ZNF98: variants seen among roughly 807,000 people sequenced by gnomAD.
ZNF98 encodes zinc finger protein 98, also known as zinc finger protein 739.
Under a neutral mutation model 12.8 loss-of-function variants are expected in ZNF98, and 8 were observed. That is an observed-to-expected ratio of 0.63 (90% confidence interval 0.37 to 1.13). The LOEUF (loss-of-function observed/expected upper bound fraction) is 1.13. Ranked by LOEUF, ZNF98 falls within the 50% of genes most tolerant of loss-of-function variation. The pLI, the probability that ZNF98 is intolerant of heterozygous loss-of-function variation, is 0.01. For missense variants in ZNF98, 379 were observed against 666.1 expected (o/e 0.57, Z 4.74); for synonymous variants, 112 against 223.5 (o/e 0.50, Z 4.45).
At chr19:22,400,683 G>A (rs1453021193) in intron 3 of ZNF98, among the ~76,000 whole-genome samples, 1 of 152,076 alleles carries the variant, frequency 6.6e-6, no homozygotes, top group Non-Finnish European at 1.5e-5. Context: ...GGCCAGGCGC[G>A]GTGGCTCACG....
In ZNF98 at chr19:22,391,388, T is replaced by A. The variant is rs1969319669; in HGVS notation, c.*128A>T. On this transcript the variant is annotated 3_prime_UTR_variant, in exon 4 of 4. Transcript: ENST00000357774. Reference sequence around the variant, plus strand: ...CAAGTATAAAGGCTTTCCTGTGCAATAAGGTTTGAGCATTGTGTAAGTTTT... The same window carrying A: ...CAAGTATAAAGGCTTTCCTGTGCAAAAAGGTTTGAGCATTGTGTAAGTTTT... 1.7e-5 allele frequency: 25 copies of A among 1,464,786 alleles called. No homozygotes were observed. The highest frequency in any genetic ancestry group is 2.8e-5 in the Admixed American group (1 of 36,288). 90.7% of individuals were successfully genotyped at this position (1,464,786 alleles called of 1,614,324 possible). A position where few individuals can be genotyped will look rare whatever the true frequency, so the allele number is the denominator to read the frequency against.
At chr19:22,398,458 C>T (rs2145110494) in intron 3 of ZNF98, among the ~76,000 whole-genome samples, 1 of 151,638 alleles carries the variant, frequency 6.6e-6, no homozygotes, top group Non-Finnish European at 1.5e-5. Context: ...CTCAAACTTC[C>T]AGGTTCAAGT....
intron 1 of ZNF98, among the ~76,000 whole-genome samples, chr19:22,418,850 GC>G: frequency 6.6e-6 from 1 of 152,294 alleles, no homozygotes; most frequent in Middle Eastern, 3.4e-3. Context: ...CTGCACCGCA[GC>G]CTGGGTGACA....
chr19:22,413,670 A>G (rs1271858004), intron 1 of ZNF98, among the ~76,000 whole-genome samples: 1 of 151,804 alleles, frequency 6.6e-6, no homozygotes, highest in Non-Finnish European at 1.5e-5. Context: ...TGAGAGTTCA[A>G]GACCAGCCTG....
At chr19:22,399,448 A>G (rs1391948681) in intron 3 of ZNF98, among the ~76,000 whole-genome samples, 2 of 152,214 alleles carry the variant, frequency 1.3e-5, no homozygotes, top group Admixed American at 1.3e-4. Context: ...AAATAGCCTT[A>G]CATTGCTAAA....
chr19:22,411,769 T>C (rs1473892507), intron 1 of ZNF98, among the ~76,000 whole-genome samples: 1 of 152,238 alleles, frequency 6.6e-6, no homozygotes, highest in African/African-American at 2.4e-5. Context: ...ATAAAGCCTC[T>C]TATTTTTAAT....
chr19:22,406,402 A>G (rs538528176), intron 1 of ZNF98, among the ~76,000 whole-genome samples: 1 of 151,986 alleles, frequency 6.6e-6, no homozygotes, highest in Non-Finnish European at 1.5e-5. Flanking sequence ...CTGACCACTG[A>G]AAAAAAACAA....
At chr19:22,407,972 G>A (rs985727832) in intron 1 of ZNF98, among the ~76,000 whole-genome samples, 1 of 151,892 alleles carries the variant, frequency 6.6e-6, no homozygotes, top group Non-Finnish European at 1.5e-5. Flanking sequence ...TAGAGAGGCT[G>A]AGGCAGGAGA....
chr19:22,422,312 G>C lies in ZNF98; in HGVS notation c.-88C>G. On this transcript the variant is annotated 5_prime_UTR_variant, in exon 1 of 4. Transcript: ENST00000357774. ...AGAGGACACAGAAGGGCGAAGACGA[G>C]ACCAGGAACTCCGGCTGCAGCGAGA... is the stretch of plus-strand genomic sequence containing the variant. 2.6e-6 allele frequency: 4 copies of C among 1,524,930 alleles called. No individual in the cohort carries two copies. Among genetic ancestry groups the C allele is most frequent in the Non-Finnish European group, 3.6e-6 (4 of 1,103,294 alleles). 94.5% of individuals were successfully genotyped at this position (1,524,930 alleles called of 1,614,324 possible). A position where few individuals can be genotyped will look rare whatever the true frequency, so the allele number is the denominator to read the frequency against.
chr19:22,402,549 G>T (rs1039805232), intron 3 of ZNF98: 36 of 469,484 alleles, frequency 7.7e-5, no homozygotes, highest in Non-Finnish European at 1.1e-4. Flanking sequence ...GGGCTGTCTT[G>T]GCTGTCACTG....
intron 1 of ZNF98, among the ~76,000 whole-genome samples, chr19:22,421,356 G>A (rs188518969): frequency 2.0e-5 from 3 of 151,608 alleles, no homozygotes; most frequent in African/African-American, 7.3e-5. Context: ...CAGAAATGGG[G>A]TGTGGGGGGT....
At chr19:22,417,229 C>CAAAAAAAAA (rs57152900) in intron 1 of ZNF98, among the ~76,000 whole-genome samples, 4 of 45,480 alleles carry the variant, frequency 8.8e-5, no homozygotes, top group African/African-American at 2.1e-4. Flanking sequence ...AACTCCATCT[C>CAAAAAAAAA]AAAAAAAAAA....
intron 1 of ZNF98, among the ~76,000 whole-genome samples, chr19:22,420,151 A>G (rs1204390344): frequency 1.3e-5 from 2 of 152,168 alleles, no homozygotes; most frequent in Non-Finnish European, 2.9e-5. Flanking sequence ...TGACAGAGCT[A>G]GACTCCGTCT....
intron 1 of ZNF98, among the ~76,000 whole-genome samples, chr19:22,413,953 A>T (rs1215485957): frequency 6.6e-6 from 1 of 151,530 alleles, no homozygotes; most frequent in Non-Finnish European, 1.5e-5. Flanking sequence ...AAAGATCAAT[A>T]TTGGCCAGGC....
chr19:22,391,331 T>C lies in ZNF98; in HGVS notation c.*185A>G. 1 of 1,273,734 alleles carries C rather than the reference T, an allele frequency of 7.9e-7. No individual in the cohort carries two copies. Among genetic ancestry groups the C allele is most frequent in the Non-Finnish European group, 1.1e-6 (1 of 945,472 alleles). 78.9% of individuals were successfully genotyped at this position (1,273,734 alleles called of 1,614,324 possible). ...TGTGTGCAGATATTAATCACTTTTT[T>C]ACTTTCTTTATATTTGTACATTTGT... On this transcript the variant is annotated 3_prime_UTR_variant, in exon 4 of 4. Transcript: ENST00000357774.
intron 3 of ZNF98, 46 bp downstream of exon 3, chr19:22,402,743 G>A (rs768556083): frequency 7.4e-7 from 1 of 1,347,218 alleles, no homozygotes; most frequent in Non-Finnish European, 1.0e-6. Context: ...CTACTTTGGA[G>A]CTCTCATCTG....
intron 1 of ZNF98, among the ~76,000 whole-genome samples, chr19:22,415,956 G>GAC (rs71180550): frequency 0.077 from 8,523 of 111,240 alleles, 449 homozygotes; most frequent in African/African-American, 0.13. Flanking sequence ...AAAAACTACA[G>GAC]ACACACACAC....
chr19:22,410,146 T>C (rs1969565406), intron 1 of ZNF98, among the ~76,000 whole-genome samples: 1 of 152,174 alleles, frequency 6.6e-6, no homozygotes, highest in Admixed American at 6.5e-5. Context: ...ACTTTTACAC[T>C]GTTAGTGAGA....
chr19:22,403,974 A>C (rs1969490400), intron 1 of ZNF98, among the ~76,000 whole-genome samples: 1 of 152,274 alleles, frequency 6.6e-6, no homozygotes, highest in African/African-American at 2.4e-5. Context: ...TAATCCCAGC[A>C]CTTTGGGAGG....
Sources: allele counts gnomAD v4.1 joint callset (sites outside exome capture counted in the v4.1 genomes callset), GRCh38; gene constraint gnomAD v4.1.1; transcripts MANE v1.5; gene names NCBI Gene and HGNC (gene_info 2026-07-23, HGNC 2026-07-21).